The following VEGFD variants were observed in gnomAD, a reference collection of about 807,000 sequenced individuals.
The protein encoded by VEGFD is vascular endothelial growth factor D.
VEGFD carries 26 observed loss-of-function variants against 28.0 expected under a neutral mutation model. The ratio of observed to expected loss-of-function variants is 0.93; its 90% CI spans 0.68 to 1.29. The LOEUF is 1.29. Ranked by LOEUF, VEGFD falls within the 50% of genes most tolerant of loss-of-function variation. The pLI is 0.00. For synonymous variants in VEGFD, 93 were observed against 95.5 expected (o/e 0.97, Z 0.15); for missense variants, 294 against 273.4 (o/e 1.08, Z -0.53).
Position 15,358,186 on chromosome X carries a change from A to G in VEGFD, c.309T>C (p.Asp103=). 2 of 1,204,984 alleles carry G rather than the reference A, an allele frequency of 1.7e-6. No homozygotes were observed. Among genetic ancestry groups the G allele is most frequent in the Non-Finnish European group, 2.2e-6 (2 of 892,241 alleles). The stretch of plus-strand genomic sequence containing the variant: ...TGCACTGAGTTCTTTGCCATTCTTC[A>G]TCTATAACTGCAGAGAGAAAGAAAG... ...FYDIETLKVI[D]EEWQRTQCSP... is the part of the protein sequence containing the mutation. Residue 103 remains aspartate, a synonymous_variant, in exon 3 of 7, where the codon GAT becomes GAC. Coordinates refer to ENST00000297904, the MANE Select transcript of VEGFD (RefSeq NM_004469.5).
chrX:15,353,756 T>C (rs1922792376), intron 4 of VEGFD, among the ~76,000 whole-genome samples: 1 of 110,100 alleles, frequency 9.1e-6, no homozygotes, highest in Non-Finnish European at 1.9e-5. Context: ...AAAAAAAGAT[T>C]TTAAAGGAGC....
At chrX:15,365,983 T>C (rs1197023362) in intron 1 of VEGFD, among the ~76,000 whole-genome samples, 2 of 108,995 alleles carry the variant, frequency 1.8e-5, no homozygotes, top group African/African-American at 3.4e-5. Flanking sequence ...TACATTTCTG[T>C]ATATTCTTCC....
chrX:15,347,189 T>G lies in VEGFD; in HGVS notation c.913A>C (p.Lys305Gln). The change falls in exon 6 of 7, where the codon AAG becomes CAG. Residue 305 changes from lysine (K) to glutamine (Q), a missense_variant. Physicochemically the swap from Lys to Gln is moderately conservative, Grantham distance 53 (BLOSUM62 1). Coordinates refer to ENST00000297904, the MANE Select transcript of VEGFD (RefSeq NM_004469.5). ...CTGCAGGTGTCTGGGTGAAATAGCTTGTGCTTCTGGCAGCAGGTCTCCAGA... is the reference window on the plus strand; with the variant it reads ...CTGCAGGTGTCTGGGTGAAATAGCTGGTGCTTCTGGCAGCAGGTCTCCAGA... ...ESLETCCQKH[K>Q]LFHPDTCSCE... 1 of 1,210,358 alleles carries G rather than the reference T, an allele frequency of 8.3e-7. No homozygotes were observed. The highest frequency in any genetic ancestry group is 1.1e-6 in the Non-Finnish European group (1 of 894,763).
At chrX:15,356,699 G>A (rs911271695) in intron 3 of VEGFD, among the ~76,000 whole-genome samples, 4 of 111,331 alleles carry the variant, frequency 3.6e-5, no homozygotes, top group East Asian at 2.8e-4. Flanking sequence ...ACCCTCTTAC[G>A]TTATGCAAGC....
intron 3 of VEGFD, among the ~76,000 whole-genome samples, chrX:15,355,730 TAGC>T (rs1359009581): frequency 4.4e-5 from 5 of 112,503 alleles, no homozygotes; most frequent in Non-Finnish European, 9.4e-5. Flanking sequence ...AGTGGGATGT[TAGC>T]AGACATGACA....
intron 3 of VEGFD, among the ~76,000 whole-genome samples, chrX:15,357,340 C>G (rs370525670): frequency 9.0e-6 from 1 of 111,301 alleles, no homozygotes; most frequent in East Asian, 2.8e-4. Context: ...TGCCCCAGGA[C>G]GCTGCCCTCC....
intron 2 of VEGFD, among the ~76,000 whole-genome samples, chrX:15,358,800 G>T (rs1922932135): frequency 8.9e-6 from 1 of 111,984 alleles, no homozygotes; most frequent in African/African-American, 3.2e-5. Flanking sequence ...TTACTGGAAT[G>T]AGCAATCCTT....
At position 15,346,042 on chromosome X, in the gene VEGFD, T is replaced by G; in HGVS notation, c.*91A>C. On this transcript the variant is annotated 3_prime_UTR_variant, in exon 7 of 7. Coordinates refer to ENST00000297904, the MANE Select transcript of VEGFD (RefSeq NM_004469.5). ...GTGGTGCTGTGTAAAATGGATTTTT[T>G]TTTTAACACCTGGGAAAAAAACAGT... is the stretch of plus-strand genomic sequence containing the variant. 1 of 1,087,020 alleles carries G rather than the reference T, an allele frequency of 9.2e-7. No homozygotes were observed. Among genetic ancestry groups the G allele is most frequent in the Non-Finnish European group, 1.2e-6 (1 of 805,235 alleles). The allele number at this position is 1,087,020 out of a possible 1,213,427, so 89.6% of individuals were successfully genotyped here.
rs748900335 is a variant in VEGFD, at chrX:15,363,314, T to G, written c.96A>C (p.Ser32=). The G allele has an allele frequency of 8.4e-6, 10 of 1,197,435 alleles. No individual in the cohort carries two copies. Among genetic ancestry groups the G allele is most frequent in the Non-Finnish European group, 1.1e-5 (10 of 887,652 alleles). ...SSNEHGPVKR[S]SQSTLERSEQ... ...CAGATCGTTCCAATGTGGACTGAGATGATCGCTTAAAAAAACAAAAATACC... is the reference window on the plus strand; with the variant it reads ...CAGATCGTTCCAATGTGGACTGAGAGGATCGCTTAAAAAAACAAAAATACC... Residue 32 remains serine (S), a synonymous_variant, in exon 2 of 7, where the codon TCA becomes TCC. Transcript: ENST00000297904.
At chrX:15,375,316 A>AT (rs1268568154) in intron 1 of VEGFD, among the ~76,000 whole-genome samples, 1 of 112,349 alleles carries the variant, frequency 8.9e-6, no homozygotes, top group African/African-American at 3.2e-5. Context: ...GTGTAAAGAA[A>AT]AAAACAACCC....
At chrX:15,350,428 A>C (rs938029266) in intron 5 of VEGFD, among the ~76,000 whole-genome samples, 3 of 112,761 alleles carry the variant, frequency 2.7e-5, no homozygotes, top group Non-Finnish European at 5.6e-5. Flanking sequence ...CTAAGGCTAC[A>C]TCCCCTCTCC....
chrX:15,355,115 T>C (rs768859010), intron 4 of VEGFD, 35 bp downstream of exon 4: 1 of 1,119,931 alleles, frequency 8.9e-7, no homozygotes, highest in Admixed American at 3.1e-5. Context: ...AAAATAAGCA[T>C]AATCCAGTAT....
chrX:15,367,243 A>C (rs1476396567), intron 1 of VEGFD, among the ~76,000 whole-genome samples: 1 of 112,383 alleles, frequency 8.9e-6, no homozygotes, highest in Admixed American at 9.4e-5. Context: ...TGGGAAGCTC[A>C]GTGAGCTCAT....
rs763507936 is a variant in VEGFD, at chrX:15,381,765, T to C, written c.90+2092A>G. Reference sequence around the variant, plus strand: ...CTATGCCAAAACTTCTGTTTAGCTATAGGCAATCCTTTCCTTCATATCAGA... The same window carrying C: ...CTATGCCAAAACTTCTGTTTAGCTACAGGCAATCCTTTCCTTCATATCAGA... On this transcript the variant is annotated intron_variant, in intron 1 of 6. Transcript: ENST00000297904. 1.0e-3 allele frequency among the ~76,000 whole-genome samples: 113 copies of C among 111,619 alleles called. 1 individual carries two copies. The highest frequency in any genetic ancestry group is 9.2e-3 in the Middle Eastern group (2 of 218).
intron 5 of VEGFD, among the ~76,000 whole-genome samples, chrX:15,347,800 C>A (rs1026352900): frequency 9.0e-6 from 1 of 111,340 alleles, no homozygotes; most frequent in Non-Finnish European, 1.9e-5. Context: ...CCAGGCCAGG[C>A]GTAGCAATAG....
rs767227383 is a variant in VEGFD, at chrX:15,350,038, C to T, written c.743-2679G>A. 5.4e-5 allele frequency among the ~76,000 whole-genome samples: 6 copies of T among 111,806 alleles called. No homozygotes were observed. The South Asian group carries it at 2.3e-3, about 42-fold the overall frequency. On this transcript the variant is annotated intron_variant, in intron 5 of 6. Coordinates refer to ENST00000297904, the MANE Select transcript of VEGFD (RefSeq NM_004469.5). ...CAACACATCCTCTTCTACACTGTTG[C>T]TGATATGATTTTGTTAAAATTCTAA...
chrX:15,362,382 T>A (rs935443090), intron 2 of VEGFD, among the ~76,000 whole-genome samples: 26 of 104,725 alleles, frequency 2.5e-4, no homozygotes, highest in Non-Finnish European at 4.0e-5. Context: ...TTTGCAGAAA[T>A]AAAAAAAAAA....
intron 1 of VEGFD, among the ~76,000 whole-genome samples, chrX:15,381,599 C>T (rs1923574555): frequency 9.1e-6 from 1 of 110,198 alleles, no homozygotes; most frequent in South Asian, 3.8e-4. Context: ...TGTTTTCACA[C>T]TACATTTTAA....
chrX:15,378,157 C>T (rs1468663833), intron 1 of VEGFD, among the ~76,000 whole-genome samples: 2 of 111,752 alleles, frequency 1.8e-5, no homozygotes, highest in Non-Finnish European at 3.8e-5. Context: ...CTTTCTGTTA[C>T]CAACAGGCTG....
Sources: allele counts gnomAD v4.1 joint callset (sites outside exome capture counted in the v4.1 genomes callset), GRCh38; gene constraint gnomAD v4.1.1; transcripts MANE v1.5; gene names NCBI Gene and HGNC (gene_info 2026-07-23, HGNC 2026-07-21).